SLC8A2: variants seen among roughly 807,000 people sequenced by gnomAD.
SLC8A2 encodes solute carrier family 8 member A2.
Under a neutral mutation model 70.2 loss-of-function variants are expected in SLC8A2, and 14 were observed. The observed-to-expected ratio is 0.20, with a 90% CI of 0.13 to 0.31. The LOEUF (loss-of-function observed/expected upper bound fraction) is 0.31. SLC8A2 is among the 10% of genes least tolerant of loss of function. SLC8A2 has a pLI of 1.00. For synonymous variants in SLC8A2, 575 were observed against 594.3 expected (o/e 0.97, Z 0.47); for missense variants, 779 against 1,320.1 (o/e 0.59, Z 6.35).
rs1966974946 is a variant in SLC8A2, at chr19:47,432,363, C to A, written c.2193G>T (p.Val731=). ...CACAGGCGAAGAGCACCTTCCAGAACACCGTCAGGAAGTGCATCACGTAGT... is the reference window on the plus strand; with the variant it reads ...CACAGGCGAAGAGCACCTTCCAGAAAACCGTCAGGAAGTGCATCACGTAGT... ...CFDYVMHFLT[V]FWKVLFACVP... Residue 731 remains valine, a synonymous_variant, in exon 9 of 10, where the codon GTG becomes GTT. Transcript: ENST00000236877. The surrounding 1 kb of genome is among the most constrained non-coding windows in gnomAD (Gnocchi z 6.2). 2 of 1,613,966 alleles carry A rather than the reference C, an allele frequency of 1.2e-6. No homozygotes were observed. Among genetic ancestry groups the A allele is most frequent in the Admixed American group, 3.3e-5 (2 of 60,006 alleles).
At chr19:47,446,556 T>C (rs1377747363) in intron 4 of SLC8A2, among the ~76,000 whole-genome samples, 1 of 152,152 alleles carries the variant, frequency 6.6e-6, no homozygotes, top group African/African-American at 2.4e-5. Context: ...GCTTCCCAAG[T>C]AGCTGGGACT....
rs1966936073 is a variant in SLC8A2 at position 47,430,164 on chromosome 19, C to A, written c.2691G>T (p.Ala897=). ...ACAGGAGCCAGAGGCCCAGGAAGAGCGCGGTGGTGGCGAGCTTGGGTCCGC... is the reference window on the plus strand; with the variant it reads ...ACAGGAGCCAGAGGCCCAGGAAGAGAGCGGTGGTGGCGAGCTTGGGTCCGC... The part of the protein sequence containing the change: ...GPRGPKLATT[A]LFLGLWLLYI... Residue 897 remains alanine, a synonymous_variant, in exon 10 of 10, where the codon GCG becomes GCT. Transcript: ENST00000236877. This position sits in a 1 kb window ranked among gnomAD's most constrained non-coding sequence, Gnocchi z 5.9. 6 of 1,597,558 alleles carry A rather than the reference C, an allele frequency of 3.8e-6. No homozygotes were observed. Among genetic ancestry groups the A allele is most frequent in the Non-Finnish European group, 5.1e-6 (6 of 1,172,128 alleles).
intron 2 of SLC8A2, among the ~76,000 whole-genome samples, chr19:47,463,190 C>T (rs979028694): frequency 2.6e-5 from 4 of 151,490 alleles, no homozygotes; most frequent in East Asian, 2.0e-4. Flanking sequence ...CTGAGTGCAG[C>T]GGCGCGATCT....
In SLC8A2 at chr19:47,441,348, C is replaced by T. The variant is rs1425415320; in HGVS notation, c.1856G>A (p.Arg619Gln). Reference sequence around the variant, plus strand: ...TGGTCACCCCTCACCTGAAATCCCTCGCTTAAGCCACTGGGGCTGGCCCAG... The same window carrying T: ...TGGTCACCCCTCACCTGAAATCCCTTGCTTAAGCCACTGGGGCTGGCCCAG... ...IELGQPQWLK[R>Q]GISALLLNQG... The change falls in exon 5 of 10, where the codon CGA becomes CAA. Residue 619 changes from arginine to glutamine, a missense_variant. This residue lies in a region of SLC8A2 where 247 missense variants were observed against 362.8 expected (regional missense o/e 0.68). Transcript: ENST00000236877. 4 of 1,612,824 alleles carry T rather than the reference C, an allele frequency of 2.5e-6. No individual in the cohort carries two copies. The highest frequency in any genetic ancestry group is 2.2e-5 in the South Asian group (2 of 91,056).
chr19:47,450,048 G>A lies in SLC8A2; in HGVS notation c.1341-1817C>T, dbSNP rs886851641. Among the ~76,000 whole-genome samples the A allele has an allele frequency of 6.6e-5, 10 of 152,252 alleles. No individual in the cohort carries two copies. In the East Asian group the frequency reaches 1.2e-3, roughly 18 times the overall value. ...ATTACTCAGAGTGAAATTCTGAGGG[G>A]TCATGGAGTAAGTGGACTCTTCCTG... On this transcript the variant is annotated intron_variant, in intron 3 of 9. Coordinates refer to ENST00000236877, the MANE Select transcript of SLC8A2 (RefSeq NM_015063.3).
chr19:47,446,616 G>C (rs1599850381), intron 4 of SLC8A2, among the ~76,000 whole-genome samples: 1 of 152,142 alleles, frequency 6.6e-6, no homozygotes, highest in Non-Finnish European at 1.5e-5. Flanking sequence ...TTTTAGCAGA[G>C]TAGAGGCTGA....
At chr19:47,438,513 G>A (rs10418116) in intron 6 of SLC8A2, among the ~76,000 whole-genome samples, 95,118 of 151,876 alleles carry the variant, frequency 0.63, 34,200 homozygotes, top group Non-Finnish European at 0.79. Flanking sequence ...GAGGACATCC[G>A]ATTTTGGCAC....
In SLC8A2 at chr19:47,432,572, C is replaced by T; in HGVS notation, c.2111-127G>A. Reference sequence around the variant, plus strand: ...AACTTCTTTCCCAGAATCCCTTGCACCTACCTGTGGCCAAGTCAACTGCTA... The same window carrying T: ...AACTTCTTTCCCAGAATCCCTTGCATCTACCTGTGGCCAAGTCAACTGCTA... On this transcript the variant is annotated intron_variant, in intron 8 of 9. Coordinates refer to ENST00000236877, the MANE Select transcript of SLC8A2 (RefSeq NM_015063.3). This position sits in a 1 kb window ranked among gnomAD's most constrained non-coding sequence, Gnocchi z 6.2. 1 of 966,102 alleles carries T rather than the reference C, an allele frequency of 1.0e-6. No individual in the cohort carries two copies. Among genetic ancestry groups the T allele is most frequent in the Non-Finnish European group, 1.5e-6 (1 of 665,242 alleles). The allele number at this position is 966,102 out of a possible 1,614,324, so 59.8% of individuals were successfully genotyped here. A position where few individuals can be genotyped will look rare whatever the true frequency, so the allele number is the denominator to read the frequency against.
Position 47,448,686 on chromosome 19 carries a change from T to C in SLC8A2, c.1341-455A>G, listed in dbSNP as rs760456996. Among the ~76,000 whole-genome samples, 3 of 152,118 alleles carry C rather than the reference T, an allele frequency of 2.0e-5. No homozygotes were observed. Among genetic ancestry groups the C allele is most frequent in the Non-Finnish European group, 4.4e-5 (3 of 68,010 alleles). ...CTGGTGGAGCTTGTGAAAATGCAGA[T>C]TCTGGTTTAGAAGCTCCCGGGTTTC... On this transcript the variant is annotated intron_variant, in intron 3 of 9. Coordinates refer to ENST00000236877, the MANE Select transcript of SLC8A2 (RefSeq NM_015063.3). This position sits in a 1 kb window ranked among gnomAD's most constrained non-coding sequence, Gnocchi z 4.8.
intron 6 of SLC8A2, 136 bp downstream of exon 6, chr19:47,441,032 GC>G: frequency 1.3e-6 from 1 of 740,928 alleles, no homozygotes; most frequent in South Asian, 1.7e-5. Context: ...CTGTCCCCCA[GC>G]CCTGAATCTG....
intron 7 of SLC8A2, 86 bp downstream of exon 7, chr19:47,437,763 G>A: frequency 6.5e-7 from 1 of 1,528,158 alleles, no homozygotes; most frequent in Non-Finnish European, 9.0e-7. Flanking sequence ...TTGATCTTAG[G>A]AACCTTGTGG....
intron 4 of SLC8A2, among the ~76,000 whole-genome samples, chr19:47,442,134 C>T (rs12978412): frequency 0.54 from 82,679 of 151,966 alleles, 25,889 homozygotes; most frequent in Middle Eastern, 0.68. Context: ...TAAAGCAAAG[C>T]GGTATGAGCT....
In SLC8A2 at chr19:47,466,379, C is replaced by A. The variant is rs1178253144; in HGVS notation, c.25G>T (p.Val9Phe). MAPLALVG[V>F]TLLLAAPPCS... Reference sequence around the variant, plus strand: ...GGGGGAGCCGCCAGGAGGAGTGTGACCCCCACCAAGGCCAGGGGAGCCATG... The same window carrying A: ...GGGGGAGCCGCCAGGAGGAGTGTGAACCCCACCAAGGCCAGGGGAGCCATG... The change falls in exon 2 of 10, where the codon GTC becomes TTC. Residue 9 changes from valine to phenylalanine, a missense_variant. Around this residue, in one of 6 missense-constraint regions of SLC8A2, gnomAD observed 65 missense variants for 61.3 expected, o/e 1.06. Transcript: ENST00000236877. The surrounding 1 kb of genome is among the most constrained non-coding windows in gnomAD (Gnocchi z 6.9). The A allele has an allele frequency of 1.4e-6, 2 of 1,432,972 alleles. No individual in the cohort carries two copies. Among genetic ancestry groups the A allele is most frequent in the Non-Finnish European group, 1.8e-6 (2 of 1,094,292 alleles). The allele number at this position is 1,432,972 out of a possible 1,614,324, so 88.8% of individuals were successfully genotyped here.
At position 47,457,139 on chromosome 19, in the gene SLC8A2, G is replaced by T; in HGVS notation, c.1131C>A (p.Arg377=). Residue 377 remains arginine (R), a synonymous_variant, in exon 3 of 10, where the codon CGC becomes CGA. Coordinates refer to ENST00000236877, the MANE Select transcript of SLC8A2 (RefSeq NM_015063.3). The part of the protein sequence containing the change: ...VLRRHAADAS[R]RAAPAEGAGE... ...CCGCGCCCTCGGCCGGCGCCGCCCTGCGCGAGGCGTCCGCCGCGTGTCTGC... is the reference window on the plus strand; with the variant it reads ...CCGCGCCCTCGGCCGGCGCCGCCCTTCGCGAGGCGTCCGCCGCGTGTCTGC... 1 of 1,542,794 alleles carries T rather than the reference G, an allele frequency of 6.5e-7. No individual in the cohort carries two copies. Among genetic ancestry groups the T allele is most frequent in the Non-Finnish European group, 8.7e-7 (1 of 1,144,260 alleles).
intron 3 of SLC8A2, among the ~76,000 whole-genome samples, chr19:47,454,200 G>T (rs374967738): frequency 1.4e-4 from 22 of 152,280 alleles, no homozygotes; most frequent in Admixed American, 1.2e-3. Context: ...TGACAAAGTG[G>T]GCTGTTATCC....
At chr19:47,441,061 A>G (rs1967093541) in intron 6 of SLC8A2, 108 bp downstream of exon 6, 2 of 1,054,490 alleles carry the variant, frequency 1.9e-6, no homozygotes, top group South Asian at 1.3e-5. Context: ...CTCACCTCCA[A>G]TCTGCCTCAA....
At chr19:47,471,698 C>G (rs1382445821) in intron 1 of SLC8A2, 91 bp downstream of exon 1, 1 of 152,128 alleles carries the variant, frequency 6.6e-6, no homozygotes, top group African/African-American at 2.4e-5. Context: ...GGGAAGCCAG[C>G]TCCAGGCTTC....
At position 47,456,938 on chromosome 19, in the gene SLC8A2, G is replaced by A. The variant is rs1359478201; in HGVS notation, c.1332C>T (p.Tyr444=). 14 of 1,605,412 alleles carry A rather than the reference G, an allele frequency of 8.7e-6. No individual in the cohort carries two copies. Among genetic ancestry groups the A allele is most frequent in the Non-Finnish European group, 1.2e-5 (14 of 1,176,142 alleles). The change falls in exon 3 of 10, where the codon TAC becomes TAT. Residue 444 remains tyrosine (Y), a synonymous_variant. Coordinates refer to ENST00000236877, the MANE Select transcript of SLC8A2 (RefSeq NM_015063.3). ...EDGSAKAGSD[Y]EYSEGTLVFK... ...CACCCCGGGGGACCCACCTGTACTC[G>A]TAGTCGGAGCCCGCCTTGGCAGAGC... is the stretch of plus-strand genomic sequence containing the variant.
intron 6 of SLC8A2, among the ~76,000 whole-genome samples, chr19:47,440,842 C>A (rs576985293): frequency 6.6e-6 from 1 of 152,110 alleles, no homozygotes; most frequent in African/African-American, 2.4e-5. Flanking sequence ...CCACTCTCCT[C>A]GGCCTCCCAA....
Sources: gnomAD v4.1 joint callset for allele counts (sites outside exome capture counted in the v4.1 genomes callset) on GRCh38, gnomAD v4.1.1 for gene constraint, gnomAD v4.1.1 regional missense constraint, Gnocchi (gnomAD v3.1) non-coding constraint, MANE v1.5 for transcripts, NCBI Gene and HGNC (gene_info 2026-07-23, HGNC 2026-07-21) for gene names.